The following RAPGEF2 variants were observed in gnomAD, a reference collection of about 807,000 sequenced individuals.
RAPGEF2 encodes the protein Rap guanine nucleotide exchange factor 2.
In RAPGEF2, 54 loss-of-function variants were observed where a neutral mutation model predicts 186.7. The ratio of observed to expected loss-of-function variants is 0.29; its 90% confidence interval spans 0.23 to 0.36. The LOEUF is 0.36. RAPGEF2 is among the 10% of genes least tolerant of loss of function. The probability of loss-of-function intolerance (pLI) is 1.00; values close to 1 mark genes in which losing one functional copy is unlikely to be tolerated. For synonymous variants in RAPGEF2, 712 were observed against 705.9 expected (o/e 1.01, Z -0.14); for missense variants, 1,532 against 2,045.0 (o/e 0.75, Z 4.84).
chr4:159,317,024 T>A (rs1459179663), intron 9 of RAPGEF2, among the ~76,000 whole-genome samples: 1 of 152,152 alleles, frequency 6.6e-6, no homozygotes, highest in Non-Finnish European at 1.5e-5. Flanking sequence ...CTTGGGCCAA[T>A]ACATATTTGA....
chr4:159,229,767 G>A (rs1752426207), intron 4 of RAPGEF2, among the ~76,000 whole-genome samples: 1 of 152,086 alleles, frequency 6.6e-6, no homozygotes, highest in Non-Finnish European at 1.5e-5. Flanking sequence ...AATTTAATGA[G>A]AATGAAAGTC....
At chr4:159,260,524 G>A (rs185985508) in intron 7 of RAPGEF2, among the ~76,000 whole-genome samples, 28 of 152,168 alleles carry the variant, frequency 1.8e-4, no homozygotes, top group Admixed American at 1.1e-3. Context: ...CCTTAAGAGT[G>A]TGAAAGGATT....
chr4:159,155,586 GA>G (rs1229215042), intron 1 of RAPGEF2, among the ~76,000 whole-genome samples: 2 of 152,168 alleles, frequency 1.3e-5, no homozygotes, highest in Non-Finnish European at 2.9e-5. Context: ...TTCCACACCT[GA>G]ATTGACTCTG....
chr4:159,106,744 C>T (rs1737932479), intron 1 of RAPGEF2, among the ~76,000 whole-genome samples: 1 of 152,108 alleles, frequency 6.6e-6, no homozygotes, highest in Non-Finnish European at 1.5e-5. Flanking sequence ...TAAAGGCTTG[C>T]TGGCCTCATT....
At chr4:159,120,413 A>G (rs918727337) in intron 1 of RAPGEF2, among the ~76,000 whole-genome samples, 2 of 152,248 alleles carry the variant, frequency 1.3e-5, no homozygotes, top group African/African-American at 4.8e-5. Flanking sequence ...TTATACTTAC[A>G]TCATAACTTT....
chr4:159,255,126 A>G (rs1755995974), intron 7 of RAPGEF2, among the ~76,000 whole-genome samples: 2 of 152,204 alleles, frequency 1.3e-5, no homozygotes, highest in African/African-American at 4.8e-5. Context: ...AGGCTATCCC[A>G]AAGAGCCTAG....
rs549930470 is a variant in RAPGEF2, at chr4:159,155,998, T to C, written c.70-30644T>C. ...TTTTTCTAGATATATGAGCTACTTA[T>C]TCCCTTATAAAAGTTACTGTAAAAC... On this transcript the variant is annotated intron_variant, in intron 1 of 29. Coordinates refer to ENST00000691494, the MANE Select transcript of RAPGEF2 (RefSeq NM_001394067.2). Among the ~76,000 whole-genome samples the C allele has an allele frequency of 5.3e-5, 8 of 152,338 alleles. No individual in the cohort carries two copies. The East Asian group carries it at 1.5e-3, about 29-fold the overall frequency.
At chr4:159,123,414 T>TA (rs2111103109) in intron 1 of RAPGEF2, among the ~76,000 whole-genome samples, 1 of 152,306 alleles carries the variant, frequency 6.6e-6, no homozygotes, top group African/African-American at 2.4e-5. Context: ...CCTTGGTGGT[T>TA]ACAAAAATTT....
intron 4 of RAPGEF2, among the ~76,000 whole-genome samples, chr4:159,219,286 C>G (rs1751278642): frequency 6.9e-6 from 1 of 144,416 alleles, no homozygotes; most frequent in Admixed American, 7.0e-5. Flanking sequence ...ATGTATTGTT[C>G]TTTTTAAGAT....
At chr4:159,243,289 A>G (rs373336773) in intron 6 of RAPGEF2, among the ~76,000 whole-genome samples, 22 of 152,006 alleles carry the variant, frequency 1.4e-4, no homozygotes, top group African/African-American at 5.3e-4. Flanking sequence ...TGGCAACAAC[A>G]TGGTCATAAG....
In RAPGEF2 at chr4:159,330,489, C is replaced by G. The variant is rs1766538955; in HGVS notation, c.1458C>G (p.Leu486=). The change falls in exon 13 of 30, where the codon CTC becomes CTG. Residue 486 remains leucine, a synonymous_variant. Transcript: ENST00000691494. ...TGGAGTGGTTTAATGACCCGAGCCTCAGGGATAAGGTTGGAAATATATTCT... is the reference window on the plus strand; with the variant it reads ...TGGAGTGGTTTAATGACCCGAGCCTGAGGGATAAGGTTGGAAATATATTCT... ...KLLEWFNDPS[L]RDKVTRVVLL... 6.2e-7 allele frequency: 1 copy of G among 1,600,832 alleles called. No individual in the cohort carries two copies. Among genetic ancestry groups the G allele is most frequent in the African/African-American group, 1.4e-5 (1 of 73,990 alleles).
intron 1 of RAPGEF2, among the ~76,000 whole-genome samples, chr4:159,164,039 G>A (rs181987582): frequency 1.4e-3 from 210 of 150,472 alleles, no homozygotes; most frequent in African/African-American, 4.8e-3. Context: ...GAGTCTCGCC[G>A]TGTCCCCCAG....
At chr4:159,117,683 G>A (rs984990346) in intron 1 of RAPGEF2, among the ~76,000 whole-genome samples, 1 of 151,750 alleles carries the variant, frequency 6.6e-6, no homozygotes. Flanking sequence ...ATAACCCAGT[G>A]GTTTTAATCT....
At chr4:159,232,275 T>G (rs976632561) in intron 4 of RAPGEF2, among the ~76,000 whole-genome samples, 41 of 152,218 alleles carry the variant, frequency 2.7e-4, no homozygotes, top group Admixed American at 1.6e-3. Context: ...CCCGAAACCA[T>G]TACGCTTTCC....
chr4:159,263,309 A>G (rs746959668), intron 7 of RAPGEF2, among the ~76,000 whole-genome samples: 1 of 152,220 alleles, frequency 6.6e-6, no homozygotes, highest in Non-Finnish European at 1.5e-5. Flanking sequence ...ACTTCTGACC[A>G]TATCTACCAT....
intron 7 of RAPGEF2, chr4:159,266,865 C>T: frequency 5.8e-6 from 1 of 171,044 alleles, no homozygotes; most frequent in East Asian, 1.4e-4. Context: ...CTCCGTTTTC[C>T]CACCCTGTCT....
At chr4:159,356,565 T>C (rs1732044442) in intron 29 of RAPGEF2, among the ~76,000 whole-genome samples, 1 of 152,222 alleles carries the variant, frequency 6.6e-6, no homozygotes, top group Admixed American at 6.5e-5. Context: ...ATTTCTTTTC[T>C]AATTCTCGTT....
chr4:159,185,362 C>T (rs756266235), intron 1 of RAPGEF2, among the ~76,000 whole-genome samples: 5 of 152,058 alleles, frequency 3.3e-5, no homozygotes, highest in Non-Finnish European at 7.4e-5. Context: ...CAAGAACTTA[C>T]GCATGAGTTT....
At chr4:159,104,533 A>AGG (rs1433473171) in intron 1 of RAPGEF2, among the ~76,000 whole-genome samples, 56 of 109,004 alleles carry the variant, frequency 5.1e-4, no homozygotes, top group African/African-American at 1.2e-3. Flanking sequence ...AGAGGGAGAG[A>AGG]CAGAGAGAGA....
Sources: allele counts gnomAD v4.1 joint callset (sites outside exome capture counted in the v4.1 genomes callset), GRCh38; gene constraint gnomAD v4.1.1; transcripts MANE v1.5; gene names NCBI Gene and HGNC (gene_info 2026-07-23, HGNC 2026-07-21).